The following CNTNAP5 variants were observed in gnomAD, a reference collection of about 807,000 sequenced individuals.
The protein encoded by CNTNAP5 is contactin associated protein family member 5, also known as contactin-associated protein-like 5.
A neutral mutation model predicts 150.2 loss-of-function variants in CNTNAP5; 72 were observed. The ratio of observed to expected loss-of-function variants is 0.48; its 90% CI spans 0.40 to 0.58. CNTNAP5 has a LOEUF of 0.58. CNTNAP5 is among the 20% of genes least tolerant of loss of function. CNTNAP5 has a pLI of 0.00. For synonymous variants in CNTNAP5, 672 were observed against 619.8 expected, an observed-to-expected ratio of 1.08 and a Z score of -1.25; for missense variants, 1,636 against 1,626.2, an observed-to-expected ratio of 1.01 and a Z score of -0.10.
chr2:124,073,697 G>T (rs1483888274), intron 1 of CNTNAP5, among the ~76,000 whole-genome samples: 1 of 152,002 alleles, frequency 6.6e-6, no homozygotes, highest in Non-Finnish European at 1.5e-5. Flanking sequence ...ACCAATGCTG[G>T]CAAGGATGTG....
chr2:124,462,833 T>G (rs558529615), intron 6 of CNTNAP5, among the ~76,000 whole-genome samples: 1 of 152,310 alleles, frequency 6.6e-6, no homozygotes, highest in Non-Finnish European at 1.5e-5. Context: ...TCCCCTCCCT[T>G]GACAGATAGA....
intron 1 of CNTNAP5, among the ~76,000 whole-genome samples, chr2:124,080,310 C>T (rs916156469): frequency 6.6e-6 from 1 of 152,112 alleles, no homozygotes; most frequent in African/African-American, 2.4e-5. Flanking sequence ...CAAAAATATG[C>T]ATTTTTCTAG....
intron 11 of CNTNAP5, among the ~76,000 whole-genome samples, chr2:124,575,769 C>T (rs1696269466): frequency 6.6e-6 from 1 of 152,126 alleles, no homozygotes; most frequent in Non-Finnish European, 1.5e-5. Flanking sequence ...ACTCCTAAAC[C>T]AGGTCTGGAA....
intron 3 of CNTNAP5, among the ~76,000 whole-genome samples, chr2:124,332,762 T>G (rs2104682188): frequency 6.6e-6 from 1 of 152,182 alleles, no homozygotes; most frequent in South Asian, 2.1e-4. Context: ...TTAATTAACT[T>G]GCATTTAGGT....
chr2:124,582,397 G>T (rs550962308), intron 11 of CNTNAP5, among the ~76,000 whole-genome samples: 13 of 152,252 alleles, frequency 8.5e-5, no homozygotes, highest in Non-Finnish European at 1.8e-4. Context: ...TCTCAAAAGA[G>T]ATTGAACTCA....
chr2:124,079,814 G>C (rs1033057895), intron 1 of CNTNAP5, among the ~76,000 whole-genome samples: 1 of 152,118 alleles, frequency 6.6e-6, no homozygotes, highest in Non-Finnish European at 1.5e-5. Context: ...CTGACAAATA[G>C]GTTCAAAATG....
intron 1 of CNTNAP5, among the ~76,000 whole-genome samples, chr2:124,032,454 GGAATAGACCAAGACT>G (rs1225108915): frequency 4.6e-5 from 7 of 152,058 alleles, no homozygotes; most frequent in Admixed American, 6.6e-5. Context: ...AGGATAGACT[GGAATAGACCAAGACT>G]GGTGGCAAGA....
At position 124,490,510 on chromosome 2, in the gene CNTNAP5, T is replaced by A. The variant is rs1693995634; in HGVS notation, c.1063-13782T>A. Reference sequence around the variant, plus strand: ...AACTAGGGATCTTTCCACAATCTCTTTGAACAATAAAGATCAGTATATAAG... The same window carrying A: ...AACTAGGGATCTTTCCACAATCTCTATGAACAATAAAGATCAGTATATAAG... On this transcript the variant is annotated intron_variant, in intron 7 of 23. Coordinates refer to ENST00000682447, the MANE Select transcript of CNTNAP5 (RefSeq NM_001367498.1). 5.9e-5 allele frequency among the ~76,000 whole-genome samples: 9 copies of A among 152,248 alleles called. No homozygotes were observed. In the South Asian group the frequency reaches 1.9e-3, roughly 32 times the overall value.
chr2:124,610,933 C>G (rs918827930), intron 12 of CNTNAP5, among the ~76,000 whole-genome samples: 1 of 135,530 alleles, frequency 7.4e-6, no homozygotes, highest in African/African-American at 2.7e-5. Flanking sequence ...CTCCAGCCTG[C>G]GACAGGGCGA....
rs1292858130 is a variant in CNTNAP5 at position 124,904,196 on chromosome 2, T to C, written c.3655+1096T>C. On this transcript the variant is annotated intron_variant, in intron 22 of 23. Transcript: ENST00000682447. ...TCTCTGTTTCTATGAGTTTGACTTT[T>C]TTAGATTCCACATATAAGTTATATC... Among the ~76,000 whole-genome samples the C allele has an allele frequency of 2.0e-5, 3 of 152,158 alleles. No homozygotes were observed. In the East Asian group the frequency reaches 5.8e-4, roughly 29 times the overall value.
At chr2:124,213,427 A>G (rs149902641) in intron 1 of CNTNAP5, among the ~76,000 whole-genome samples, 41 of 152,328 alleles carry the variant, frequency 2.7e-4, no homozygotes, top group Admixed American at 5.9e-4. Context: ...ATCCCAAGAG[A>G]AAACAACAAT....
At chr2:124,352,615 A>G (rs1189910111) in intron 3 of CNTNAP5, among the ~76,000 whole-genome samples, 2 of 152,238 alleles carry the variant, frequency 1.3e-5, no homozygotes, top group South Asian at 2.1e-4. Flanking sequence ...AAGAAAAAAC[A>G]TCATCCAAAA....
chr2:124,579,500 T>A (rs1235843989), intron 11 of CNTNAP5, among the ~76,000 whole-genome samples: 1 of 152,234 alleles, frequency 6.6e-6, no homozygotes. Flanking sequence ...CTAAAACAAG[T>A]AGACTCTTCA....
chr2:124,899,863 G>T (rs1678379935), intron 21 of CNTNAP5, among the ~76,000 whole-genome samples: 1 of 151,372 alleles, frequency 6.6e-6, no homozygotes. Context: ...ATGTAATACA[G>T]AGTTCAGTGA....
At chr2:124,147,745 G>A (rs1684290236) in intron 1 of CNTNAP5, among the ~76,000 whole-genome samples, 1 of 152,166 alleles carries the variant, frequency 6.6e-6, no homozygotes, top group African/African-American at 2.4e-5. Context: ...AGTGGCCTGG[G>A]CGGCTTCTCT....
Position 124,909,334 on chromosome 2 carries a change from G to A in CNTNAP5, c.3656-2133G>A, listed in dbSNP as rs140939877. Among the ~76,000 whole-genome samples the A allele has an allele frequency of 5.0e-3, 768 of 152,248 alleles. 7 individuals carry two copies. The highest frequency in any genetic ancestry group is 0.017 in the African/African-American group (714 of 41,558). On this transcript the variant is annotated intron_variant, in intron 22 of 23. Transcript: ENST00000682447. ...CACTACAGCAACATGCTATACAGGCGTGTAGCCTGGGGGCAATAGTCTATA... is the reference window on the plus strand; with the variant it reads ...CACTACAGCAACATGCTATACAGGCATGTAGCCTGGGGGCAATAGTCTATA...
intron 10 of CNTNAP5, among the ~76,000 whole-genome samples, chr2:124,549,498 A>T (rs1695583782): frequency 6.6e-6 from 1 of 152,220 alleles, no homozygotes; most frequent in South Asian, 2.1e-4. Flanking sequence ...TGGTCTATGA[A>T]AATAATTCTT....
At chr2:124,395,662 T>G (rs1221279498) in intron 3 of CNTNAP5, among the ~76,000 whole-genome samples, 1 of 152,134 alleles carries the variant, frequency 6.6e-6, no homozygotes, top group Admixed American at 6.6e-5. Flanking sequence ...ATGCTAGAAC[T>G]GTTCTAAGCA....
At chr2:124,429,212 G>A (rs546543327) in intron 4 of CNTNAP5, among the ~76,000 whole-genome samples, 27 of 152,102 alleles carry the variant, frequency 1.8e-4, no homozygotes, top group Admixed American at 3.9e-4. Context: ...AGTGAAGTTG[G>A]GAGTGCTGAG....
Sources: gnomAD v4.1 joint callset for allele counts (sites outside exome capture counted in the v4.1 genomes callset) on GRCh38, gnomAD v4.1.1 for gene constraint, MANE v1.5 for transcripts, NCBI Gene and HGNC (gene_info 2026-07-23, HGNC 2026-07-21) for gene names.